The following PPP6C variants were observed in gnomAD, a reference collection of about 807,000 sequenced individuals.
PPP6C encodes protein phosphatase 6 catalytic subunit.
PPP6C carries 11 observed loss-of-function variants against 39.8 expected under a neutral mutation model. That is an observed-to-expected ratio of 0.28 (90% CI 0.17 to 0.46). PPP6C has a LOEUF of 0.46. Ranked by LOEUF, PPP6C falls within the 20% of genes least tolerant of loss-of-function variation. The pLI is 1.00. For missense variants in PPP6C, 211 were observed against 373.9 expected (o/e 0.56, Z 3.59); for synonymous variants, 129 against 130.3 (o/e 0.99, Z 0.07).
intron 2 of PPP6C, among the ~76,000 whole-genome samples, chr9:125,165,795 C>CTTTTTTTTTTTTTTTT (rs781221037): frequency 8.8e-6 from 1 of 113,630 alleles, no homozygotes; most frequent in Non-Finnish European, 1.8e-5. Flanking sequence ...TAATCTTTTG[C>CTTTTTTTTTTTTTTTT]TTTTTTTTTT....
At position 125,167,838 on chromosome 9, in the gene PPP6C, G is replaced by C. The variant is rs944218079; in HGVS notation, c.171+3247C>G. Among the ~76,000 whole-genome samples the C allele has an allele frequency of 2.6e-4, 35 of 137,046 alleles. 2 individuals carry two copies. The highest frequency in any genetic ancestry group is 3.5e-3 in the Middle Eastern group (1 of 286). The allele number at this position is 137,046 out of a possible 152,430, so 89.9% of individuals were successfully genotyped here. A position where few individuals can be genotyped will look rare whatever the true frequency, so the allele number is the denominator to read the frequency against. ...GGTCAGGAGTTTGAGATGGGGGGGG[G>C]GGGGGGGGGTATCATTTGGTTGCCC... On this transcript the variant is annotated intron_variant, in intron 2 of 6. Transcript: ENST00000373547.
intron 6 of PPP6C, chr9:125,150,983 A>C: frequency 7.5e-7 from 1 of 1,339,182 alleles, no homozygotes; most frequent in Non-Finnish European, 1.1e-6. Context: ...CTTGTTGCAA[A>C]CATGCTATCT....
At chr9:125,158,470 A>G in intron 3 of PPP6C, 88 bp from the exon 4 acceptor site, 2 of 1,273,978 alleles carry the variant, frequency 1.6e-6, no homozygotes, top group Non-Finnish European at 1.1e-6. Flanking sequence ...CATATAGTTT[A>G]TAACTACAAT....
At chr9:125,150,965 C>T in intron 6 of PPP6C, 1 of 1,288,270 alleles carries the variant, frequency 7.8e-7, no homozygotes, top group Non-Finnish European at 1.1e-6. Flanking sequence ...GTGACAATCT[C>T]AGCCAAGCTT....
chr9:125,177,009 T>C (rs977493234), intron 1 of PPP6C, among the ~76,000 whole-genome samples: 91 of 152,092 alleles, frequency 6.0e-4, no homozygotes, highest in Non-Finnish European at 2.1e-4. Flanking sequence ...TTTTATTGTG[T>C]TTTTTTACCC....
At chr9:125,168,276 C>T (rs1829068662) in intron 2 of PPP6C, among the ~76,000 whole-genome samples, 1 of 152,190 alleles carries the variant, frequency 6.6e-6, no homozygotes, top group Non-Finnish European at 1.5e-5. Flanking sequence ...CTATATTACA[C>T]AGCTTCAATA....
At position 125,153,757 on chromosome 9, in the gene PPP6C, T is replaced by A; in HGVS notation, c.460-15A>T. 6.2e-7 allele frequency: 1 copy of A among 1,609,362 alleles called. No individual in the cohort carries two copies. The highest frequency in any genetic ancestry group is 8.5e-7 in the Non-Finnish European group (1 of 1,176,742). On this transcript the variant is annotated splice_polypyrimidine_tract_variant and intron_variant, in intron 5 of 6. Coordinates refer to ENST00000373547, the MANE Select transcript of PPP6C (RefSeq NM_002721.5). ...TCATCTATTAACTAGCAAAAAAGGA[T>A]AACAAAGAGTTGAACATATAACCTC...
intron 5 of PPP6C, 82 bp from the exon 6 acceptor site, chr9:125,153,824 A>G: frequency 6.6e-7 from 1 of 1,519,046 alleles, no homozygotes; most frequent in East Asian, 2.3e-5. Context: ...AGATATCAAT[A>G]TAATTGAGAT....
At chr9:125,164,621 G>A (rs945057065) in intron 2 of PPP6C, among the ~76,000 whole-genome samples, 1 of 151,968 alleles carries the variant, frequency 6.6e-6, no homozygotes, top group Non-Finnish European at 1.5e-5. Context: ...CATTATTTTT[G>A]AGATGGAGGC....
intron 6 of PPP6C, among the ~76,000 whole-genome samples, chr9:125,152,025 G>A (rs1159679608): frequency 6.6e-6 from 1 of 151,950 alleles, no homozygotes; most frequent in Non-Finnish European, 1.5e-5. Context: ...TATGGCAAGA[G>A]CCCTGGGCAA....
chr9:125,151,583 C>G, intron 6 of PPP6C: 1 of 780,424 alleles, frequency 1.3e-6, no homozygotes, highest in Non-Finnish European at 2.3e-6. Flanking sequence ...CAGTCATGTC[C>G]CTTTATAATA....
Position 125,153,760 on chromosome 9 carries a change from CAA to C in PPP6C, c.460-20_460-19del. ...TCTATTAACTAGCAAAAAAGGATAA[CAA>C]AGAGTTGAACATATAACCTCAGGCA... On this transcript the variant is annotated intron_variant, in intron 5 of 6. Coordinates refer to ENST00000373547, the MANE Select transcript of PPP6C (RefSeq NM_002721.5). 2 of 1,608,718 alleles carry C rather than the reference CAA, an allele frequency of 1.2e-6. No homozygotes were observed. The highest frequency in any genetic ancestry group is 2.2e-5 in the South Asian group (2 of 90,964).
At chr9:125,175,484 T>C (rs1425331893) in intron 1 of PPP6C, among the ~76,000 whole-genome samples, 3 of 149,416 alleles carry the variant, frequency 2.0e-5, no homozygotes, top group South Asian at 2.1e-4. Context: ...TAAAAAAAAA[T>C]ACAAAAAAAT....
In PPP6C at chr9:125,171,478, C is replaced by CACACAT. The variant is rs1171157245; in HGVS notation, c.76-299_76-298insATGTGT. Among the ~76,000 whole-genome samples, 238 of 83,430 alleles carry CACACAT rather than the reference C, an allele frequency of 2.9e-3. 1 individual carries two copies. The highest frequency in any genetic ancestry group is 4.7e-3 in the East Asian group (15 of 3,194). 54.7% of individuals were successfully genotyped at this position (83,430 alleles called of 152,430 possible). A position where few individuals can be genotyped will look rare whatever the true frequency, so the allele number is the denominator to read the frequency against. ...ACACATATACACACACACACACACA[C>CACACAT]ATATATATATATATATATATATATA... On this transcript the variant is annotated intron_variant, in intron 1 of 6. Transcript: ENST00000373547.
chr9:125,162,240 T>C (rs1326295410), intron 2 of PPP6C, among the ~76,000 whole-genome samples: 4 of 151,618 alleles, frequency 2.6e-5, no homozygotes, highest in Non-Finnish European at 5.9e-5. Context: ...GGCAGATCAC[T>C]TGAGGTCAGG....
At position 125,189,789 on chromosome 9, in the gene PPP6C, C is replaced by G. The variant is rs950030051; in HGVS notation, c.-71G>C. On this transcript the variant is annotated 5_prime_UTR_variant, in exon 1 of 7. Coordinates refer to ENST00000373547, the MANE Select transcript of PPP6C (RefSeq NM_002721.5). ...CAGCGGCGGCGGCAGCGGCGGAGGCCGAAGCCGGAACTTTCCCTGCGTCAC... is the reference window on the plus strand; with the variant it reads ...CAGCGGCGGCGGCAGCGGCGGAGGCGGAAGCCGGAACTTTCCCTGCGTCAC... 23 of 1,511,410 alleles carry G rather than the reference C, an allele frequency of 1.5e-5. No homozygotes were observed. Among genetic ancestry groups the G allele is most frequent in the Non-Finnish European group, 1.9e-5 (22 of 1,129,230 alleles). The allele number at this position is 1,511,410 out of a possible 1,614,324, so 93.6% of individuals were successfully genotyped here. A position where few individuals can be genotyped will look rare whatever the true frequency, so the allele number is the denominator to read the frequency against.
intron 2 of PPP6C, among the ~76,000 whole-genome samples, chr9:125,167,248 G>T (rs1231102790): frequency 6.6e-6 from 1 of 151,656 alleles, no homozygotes; most frequent in Non-Finnish European, 1.5e-5. Context: ...AGGCGTGGTG[G>T]TGCGTGCCTG....
chr9:125,159,259 G>C lies in PPP6C; in HGVS notation c.238-877C>G, dbSNP rs187301955. ...AGACGGGGTTTCTCCATGTTGGTCA[G>C]GCTGGTCTCAAACTCCTGACCTCAG... On this transcript the variant is annotated intron_variant, in intron 3 of 6. Transcript: ENST00000373547. 1.4e-3 allele frequency among the ~76,000 whole-genome samples: 205 copies of C among 149,108 alleles called. 4 individuals are homozygous for C. Among genetic ancestry groups the C allele is most frequent in the Admixed American group, 0.013 (192 of 14,744 alleles).
At chr9:125,172,483 AG>A (rs1350794492) in intron 1 of PPP6C, among the ~76,000 whole-genome samples, 1 of 152,158 alleles carries the variant, frequency 6.6e-6, no homozygotes, top group African/African-American at 2.4e-5. Flanking sequence ...GTGGGATTAC[AG>A]GCATTGAGCC....
Sources: gnomAD v4.1 joint callset for allele counts (sites outside exome capture counted in the v4.1 genomes callset) on GRCh38, gnomAD v4.1.1 for gene constraint, MANE v1.5 for transcripts, NCBI Gene and HGNC (gene_info 2026-07-23, HGNC 2026-07-21) for gene names.